CSMD1: variants seen among roughly 807,000 people sequenced by gnomAD.
CSMD1 encodes the protein CUB and Sushi multiple domains 1, also known as CUB and sushi domain-containing protein 1.
A neutral mutation model predicts 417.5 loss-of-function variants in CSMD1; 213 were observed. The observed-to-expected ratio is 0.51, with a 90% confidence interval of 0.46 to 0.57. The LOEUF is 0.57. Ranked by LOEUF, CSMD1 falls within the 20% of genes least tolerant of loss-of-function variation. The probability of loss-of-function intolerance (pLI) is 0.00; values close to 1 mark genes in which losing one functional copy is unlikely to be tolerated. For missense variants in CSMD1, 6,923 were observed against 4,529.7 expected, an observed-to-expected ratio of 1.53 and a Z score of -15.17; for synonymous variants, 2,862 against 1,736.8, an observed-to-expected ratio of 1.65 and a Z score of -16.11.
chr8:4,902,571 G>C (rs150207346), intron 1 of CSMD1, among the ~76,000 whole-genome samples: 91 of 152,270 alleles, frequency 6.0e-4, no homozygotes, highest in African/African-American at 2.1e-3. Context: ...CTTAGAATTA[G>C]AAAATATTAT....
intron 3 of CSMD1, among the ~76,000 whole-genome samples, chr8:4,121,829 G>T (rs143155011): frequency 6.6e-6 from 1 of 151,802 alleles, no homozygotes; most frequent in East Asian, 1.9e-4. Flanking sequence ...AAGGCTTTGG[G>T]GGGGACAAAA....
At chr8:3,739,255 A>T (rs1324229292) in intron 6 of CSMD1, among the ~76,000 whole-genome samples, 1 of 152,208 alleles carries the variant, frequency 6.6e-6, no homozygotes, top group East Asian at 1.9e-4. Context: ...TCATCCTTTG[A>T]AACTTCTGAC....
At chr8:3,520,568 C>T (rs543599734) in intron 10 of CSMD1, among the ~76,000 whole-genome samples, 3 of 152,228 alleles carry the variant, frequency 2.0e-5, no homozygotes, top group East Asian at 3.9e-4. Context: ...GAAGTGCGTA[C>T]ATTTAACCTT....
intron 1 of CSMD1, among the ~76,000 whole-genome samples, chr8:4,905,339 C>T (rs1235821642): frequency 1.3e-5 from 2 of 151,902 alleles, no homozygotes; most frequent in African/African-American, 2.4e-5. Flanking sequence ...ATAAAGGCTA[C>T]CATTTCTTCT....
chr8:4,512,921 T>C lies in CSMD1; in HGVS notation c.303-92856A>G, dbSNP rs1290616851. On this transcript the variant is annotated intron_variant, in intron 2 of 69. Transcript: ENST00000635120. ...TAATTTGAAAAAGCTACAGAGTATA[T>C]GATTCCAACTGTGTAATATTTTCGA... 2.0e-5 allele frequency among the ~76,000 whole-genome samples: 3 copies of C among 152,126 alleles called. No individual in the cohort carries two copies. In the East Asian group the frequency reaches 5.8e-4, roughly 29 times the overall value.
At chr8:4,656,273 G>A (rs1197460776) in intron 1 of CSMD1, among the ~76,000 whole-genome samples, 1 of 152,072 alleles carries the variant, frequency 6.6e-6, no homozygotes, top group Admixed American at 6.5e-5. Flanking sequence ...GAAGAAGCCA[G>A]TGAGCCTAGT....
At chr8:3,103,504 C>G (rs1051172040) in intron 46 of CSMD1, among the ~76,000 whole-genome samples, 16 of 151,986 alleles carry the variant, frequency 1.1e-4, no homozygotes, top group African/African-American at 3.9e-4. Context: ...CTGAACTCAT[C>G]TCAACATTGA....
chr8:4,388,035 A>C (rs1803574302), intron 3 of CSMD1, among the ~76,000 whole-genome samples: 2 of 152,166 alleles, frequency 1.3e-5, no homozygotes, highest in Admixed American at 6.5e-5. Flanking sequence ...CTATTTTACC[A>C]CATTCCTGAT....
At chr8:3,139,831 ATAG>A (rs1316326431) in intron 41 of CSMD1, among the ~76,000 whole-genome samples, 2 of 152,122 alleles carry the variant, frequency 1.3e-5, no homozygotes, top group Non-Finnish European at 2.9e-5. Flanking sequence ...TGTCTCTGAA[ATAG>A]TAGGAAGAGA....
At chr8:3,998,589 A>T (rs896495382) in intron 4 of CSMD1, among the ~76,000 whole-genome samples, 3 of 152,184 alleles carry the variant, frequency 2.0e-5, no homozygotes, top group African/African-American at 7.2e-5. Flanking sequence ...TGGGTTTTGA[A>T]TTTCAGATAG....
intron 3 of CSMD1, among the ~76,000 whole-genome samples, chr8:4,041,757 T>C (rs149862940): frequency 1.3e-5 from 2 of 152,214 alleles, no homozygotes; most frequent in African/African-American, 2.4e-5. Flanking sequence ...CAGGTGATGA[T>C]GGAACATGTT....
chr8:4,129,938 G>T (rs1204031141), intron 3 of CSMD1, among the ~76,000 whole-genome samples: 1 of 151,944 alleles, frequency 6.6e-6, no homozygotes, highest in Non-Finnish European at 1.5e-5. Flanking sequence ...ATATATTTAA[G>T]TTCTTATATC....
intron 3 of CSMD1, among the ~76,000 whole-genome samples, chr8:4,198,363 G>C (rs569447723): frequency 1.5e-3 from 229 of 152,314 alleles, no homozygotes; most frequent in African/African-American, 4.8e-3. Context: ...CCAGGAGCCT[G>C]AACTTTGTCC....
At chr8:4,854,712 A>G (rs1801691653) in intron 1 of CSMD1, among the ~76,000 whole-genome samples, 1 of 152,188 alleles carries the variant, frequency 6.6e-6, no homozygotes, top group South Asian at 2.1e-4. Context: ...CGACGGGCTT[A>G]AAAAACGGTG....
At chr8:3,751,356 C>G (rs1176181284) in intron 6 of CSMD1, among the ~76,000 whole-genome samples, 3 of 141,216 alleles carry the variant, frequency 2.1e-5, no homozygotes. Flanking sequence ...GAACACACAT[C>G]TACATCTATA....
At chr8:4,670,272 C>G (rs560527524) in intron 1 of CSMD1, among the ~76,000 whole-genome samples, 36 of 152,278 alleles carry the variant, frequency 2.4e-4, no homozygotes, top group Non-Finnish European at 4.1e-4. Flanking sequence ...CTCCTGGAAG[C>G]TCTCATTTGC....
chr8:3,642,897 A>T (rs1797376645), intron 7 of CSMD1, among the ~76,000 whole-genome samples: 1 of 151,776 alleles, frequency 6.6e-6, no homozygotes, highest in Non-Finnish European at 1.5e-5. Context: ...ATACACACAC[A>T]TATATATATA....
Position 4,429,482 on chromosome 8 carries a change from T to C in CSMD1, c.303-9417A>G, listed in dbSNP as rs113752701. 1.5e-3 allele frequency among the ~76,000 whole-genome samples: 232 copies of C among 150,654 alleles called. 2 individuals are homozygous for C. Among genetic ancestry groups the C allele is most frequent in the African/African-American group, 4.8e-3 (197 of 41,472 alleles). ...GTTCTTTGGCAACTCCTCCTGTCAA[T>C]TGGGAAACAGATTAGCTTATATAAT... is the stretch of plus-strand genomic sequence containing the variant. On this transcript the variant is annotated intron_variant, in intron 2 of 69. Transcript: ENST00000635120.
At chr8:4,754,250 A>G (rs1292106384) in intron 1 of CSMD1, among the ~76,000 whole-genome samples, 1 of 152,190 alleles carries the variant, frequency 6.6e-6, no homozygotes, top group Non-Finnish European at 1.5e-5. Context: ...CTCAGAGAAG[A>G]AAATAAGATT....
Sources: gnomAD v4.1 joint callset for allele counts (sites outside exome capture counted in the v4.1 genomes callset) on GRCh38, gnomAD v4.1.1 for gene constraint, MANE v1.5 for transcripts, NCBI Gene and HGNC (gene_info 2026-07-23, HGNC 2026-07-21) for gene names.